Variants in FSTL4 observed in about 807,000 individuals in gnomAD.
FSTL4 encodes follistatin-related protein 4.
A neutral mutation model predicts 78.2 loss-of-function variants in FSTL4; 28 were observed. The observed-to-expected ratio is 0.36, with a 90% confidence interval of 0.27 to 0.49. The LOEUF (loss-of-function observed/expected upper bound fraction) is 0.49. FSTL4 is among the 20% of genes least tolerant of loss of function. FSTL4 has a pLI of 0.98. For missense variants in FSTL4, 922 were observed against 1,084.9 expected (o/e 0.85, Z 2.11); for synonymous variants, 422 against 440.5 (o/e 0.96, Z 0.53).
intron 12 of FSTL4, 45 bp from the exon 13 acceptor site, chr5:133,217,423 C>T: frequency 1.9e-6 from 3 of 1,574,934 alleles, no homozygotes; most frequent in Non-Finnish European, 2.6e-6. Flanking sequence ...ATTGCCCTTT[C>T]CCTCCAACAT....
chr5:133,715,109 T>C, the FSTL4 span, among the ~76,000 whole-genome samples: 2 of 152,248 alleles, frequency 1.3e-5, no homozygotes, highest in African/African-American at 4.8e-5. Context: ...AAGAAAATGC[T>C]CTGAAAACTT....
chr5:133,651,774 G>A, the FSTL4 span, among the ~76,000 whole-genome samples: 1 of 152,038 alleles, frequency 6.6e-6, no homozygotes, highest in Non-Finnish European at 1.5e-5. Context: ...TTTGGCTTTG[G>A]TATTGGAGTA....
chr5:133,671,302 A>G, the FSTL4 span, among the ~76,000 whole-genome samples: 1 of 152,086 alleles, frequency 6.6e-6, no homozygotes, highest in East Asian at 1.9e-4. Flanking sequence ...AATGCTTGTC[A>G]TTTAGGCCGC....
At chr5:133,490,449 C>A (rs557532791) in intron 3 of FSTL4, among the ~76,000 whole-genome samples, 2 of 151,470 alleles carry the variant, frequency 1.3e-5, no homozygotes, top group East Asian at 3.9e-4. Flanking sequence ...TTAAGGCACG[C>A]TCTTTTCTTT....
chr5:133,249,479 G>T lies in FSTL4; in HGVS notation c.825C>A (p.Asp275Glu). The T allele has an allele frequency of 1.9e-6, 3 of 1,613,702 alleles. No individual in the cohort carries two copies. Among genetic ancestry groups the T allele is most frequent in the Non-Finnish European group, 2.5e-6 (3 of 1,179,694 alleles). The change falls in exon 7 of 16, where the codon GAC becomes GAA. Residue 275 changes from aspartate to glutamate, a missense_variant. Transcript: ENST00000265342. ...GCTTCCAGATGATTGGTGGCCTCAG[G>T]TCTCCATGGACGGCGCAGGTCAGCA... The part of the protein sequence containing the change: ...STVLTCAVHG[D>E]LRPPIIWKRN...
intron 3 of FSTL4, among the ~76,000 whole-genome samples, chr5:133,489,665 A>T (rs1758217464): frequency 6.6e-6 from 1 of 152,172 alleles, no homozygotes; most frequent in South Asian, 2.1e-4. Flanking sequence ...CAGCACACTG[A>T]GCTGTCTGAG....
the FSTL4 span, among the ~76,000 whole-genome samples, chr5:133,759,613 A>G: frequency 6.6e-6 from 1 of 152,238 alleles, no homozygotes; most frequent in Non-Finnish European, 1.5e-5. Flanking sequence ...ACAAGTATAC[A>G]AAAAATTTTA....
intron 6 of FSTL4, among the ~76,000 whole-genome samples, chr5:133,292,151 C>T (rs1753278380): frequency 6.6e-6 from 1 of 152,160 alleles, no homozygotes; most frequent in Admixed American, 6.5e-5. Flanking sequence ...ACTTCCCGAG[C>T]CTGGGTCAAC....
intron 3 of FSTL4, among the ~76,000 whole-genome samples, chr5:133,490,811 A>G (rs1758251630): frequency 6.6e-6 from 1 of 152,226 alleles, no homozygotes; most frequent in African/African-American, 2.4e-5. Flanking sequence ...TGTATTGTGC[A>G]TGCAAAGAAT....
intron 4 of FSTL4, among the ~76,000 whole-genome samples, chr5:133,386,860 T>C (rs997651429): frequency 6.6e-6 from 1 of 152,110 alleles, no homozygotes; most frequent in African/African-American, 2.4e-5. Context: ...CTCACTGGGG[T>C]TGTCACGTCA....
Position 133,335,412 on chromosome 5 carries a change from C to T in FSTL4, c.410-18760G>A, listed in dbSNP as rs899832358. 3.3e-5 allele frequency among the ~76,000 whole-genome samples: 5 copies of T among 151,968 alleles called. No individual in the cohort carries two copies. The South Asian group carries it at 6.2e-4, about 19-fold the overall frequency. Reference sequence around the variant, plus strand: ...TTCACGGCCCTGGCTGTTCAGCTCACGTGACACAAAAAGAGACGTCAAGGG... The same window carrying T: ...TTCACGGCCCTGGCTGTTCAGCTCATGTGACACAAAAAGAGACGTCAAGGG... On this transcript the variant is annotated intron_variant, in intron 4 of 15. Transcript: ENST00000265342.
the FSTL4 span, among the ~76,000 whole-genome samples, chr5:133,673,394 G>T: frequency 6.6e-6 from 1 of 152,210 alleles, no homozygotes; most frequent in Non-Finnish European, 1.5e-5. Flanking sequence ...CAGGGCAGGG[G>T]TGTTCCCTCC....
chr5:133,488,280 A>C (rs569809191), intron 3 of FSTL4, among the ~76,000 whole-genome samples: 1 of 152,262 alleles, frequency 6.6e-6, no homozygotes, highest in South Asian at 2.1e-4. Context: ...TTTGAGATGG[A>C]GTCTCACCCT....
chr5:133,409,321 A>G (rs77680938), intron 3 of FSTL4, among the ~76,000 whole-genome samples: 3,078 of 152,314 alleles, frequency 0.02, 50 homozygotes, highest in South Asian at 0.07. Flanking sequence ...CCTGGGCCCA[A>G]TGCCAGCGTA....
At chr5:133,726,905 TA>T in the FSTL4 span, among the ~76,000 whole-genome samples, 1 of 152,234 alleles carries the variant, frequency 6.6e-6, no homozygotes, top group African/African-American at 2.4e-5. Flanking sequence ...CTGTTTCACA[TA>T]AAAGCATCTT....
chr5:133,276,138 TGTTTC>T (rs1752877735), intron 6 of FSTL4, among the ~76,000 whole-genome samples: 2 of 152,228 alleles, frequency 1.3e-5, no homozygotes, highest in Admixed American at 1.3e-4. Context: ...GCAATCACAA[TGTTTC>T]CCCTCTAAGT....
the FSTL4 span, among the ~76,000 whole-genome samples, chr5:133,812,357 G>A: frequency 4.6e-5 from 7 of 152,178 alleles, no homozygotes; most frequent in South Asian, 8.3e-4. Flanking sequence ...GACTAAAATC[G>A]GAACCCCTTA....
chr5:133,231,681 T>TAC (rs138289782), intron 8 of FSTL4, among the ~76,000 whole-genome samples: 175 of 152,262 alleles, frequency 1.1e-3, no homozygotes, highest in Non-Finnish European at 2.2e-3. Context: ...TAGCTGGGAT[T>TAC]ACAGGCACGT....
At chr5:133,808,160 C>T in the FSTL4 span, among the ~76,000 whole-genome samples, 1 of 152,198 alleles carries the variant, frequency 6.6e-6, no homozygotes, top group Non-Finnish European at 1.5e-5. Flanking sequence ...TTTTATTTTT[C>T]CCCAGAATTT....
Sources: gnomAD v4.1 joint callset for allele counts (sites outside exome capture counted in the v4.1 genomes callset) on GRCh38, gnomAD v4.1.1 for gene constraint, MANE v1.5 for transcripts, NCBI Gene and HGNC (gene_info 2026-07-23, HGNC 2026-07-21) for gene names.